NLRP11: variants seen among roughly 807,000 people sequenced by gnomAD.
NLRP11 encodes NLR family pyrin domain containing 11.
In NLRP11, 53 loss-of-function variants were observed where a neutral mutation model predicts 79.3. The observed-to-expected ratio is 0.67, with a 90% CI of 0.54 to 0.84. NLRP11 has a LOEUF of 0.84. Among genes scored for constraint, NLRP11 ranks in the 40% least tolerant of loss-of-function variants. The pLI, the probability that NLRP11 is intolerant of heterozygous loss-of-function variation, is 0.00. For synonymous variants in NLRP11, 518 were observed against 462.6 expected, an observed-to-expected ratio of 1.12 and a Z score of -1.54; for missense variants, 1,264 against 1,255.0, an observed-to-expected ratio of 1.01 and a Z score of -0.11.
At chr19:55,834,526 A>C (rs302471), upstream of NLRP11, among the ~76,000 whole-genome samples, 13,972 of 152,296 alleles carry the variant, frequency 0.092, 903 homozygotes, top group East Asian at 0.28. Context: ...GGGATATTCA[A>C]CTGTGCATGA....
At chr19:55,828,129 A>C (rs1982404682) in intron 1 of NLRP11, among the ~76,000 whole-genome samples, 1 of 151,198 alleles carries the variant, frequency 6.6e-6, no homozygotes, top group Non-Finnish European at 1.5e-5. Flanking sequence ...ACATGGATGA[A>C]ATTGGAAATC....
rs1004313200 is a variant in NLRP11, at chr19:55,827,287, C to T, written c.-63+4676G>A. ...ATTCAAGATGGATTAAAGATTTAAA[C>T]GTTAGACCTAAAACCATAAAAACCC... On this transcript the variant is annotated intron_variant, in intron 1 of 9. Transcript: ENST00000589093. 6.4e-3 allele frequency among the ~76,000 whole-genome samples: 939 copies of T among 145,888 alleles called. 36 individuals carry two copies. Among genetic ancestry groups the T allele is most frequent in the African/African-American group, 0.023 (890 of 38,404 alleles).
chr19:55,798,642 C>T (rs566101184), intron 5 of NLRP11, among the ~76,000 whole-genome samples: 168 of 152,212 alleles, frequency 1.1e-3, no homozygotes, highest in Non-Finnish European at 2.0e-3. Context: ...AACCTGAACA[C>T]GCATCCCTGA....
chr19:55,799,569 T>C (rs73058160), intron 5 of NLRP11, among the ~76,000 whole-genome samples: 6,764 of 151,744 alleles, frequency 0.045, 280 homozygotes, highest in East Asian at 0.17. Flanking sequence ...GAGGGGGGCA[T>C]TGAGGTAGGG....
upstream of NLRP11, among the ~76,000 whole-genome samples, chr19:55,835,136 G>A (rs1472995159): frequency 6.6e-6 from 1 of 152,054 alleles, no homozygotes; most frequent in Non-Finnish European, 1.5e-5. Flanking sequence ...ATGTTTCTCT[G>A]CACTCCTTGA....
At chr19:55,805,538 G>GTTT (rs72058432) in intron 4 of NLRP11, among the ~76,000 whole-genome samples, 1 of 147,258 alleles carries the variant, frequency 6.8e-6, no homozygotes, top group African/African-American at 2.5e-5. Flanking sequence ...TTAAGGTTTT[G>GTTT]TTTTTTTTTT....
At chr19:55,815,840 A>T (rs1981063617) in intron 2 of NLRP11, among the ~76,000 whole-genome samples, 1 of 152,184 alleles carries the variant, frequency 6.6e-6, no homozygotes. Context: ...TATTCATCAC[A>T]TCAGGGACAG....
intron 2 of NLRP11, among the ~76,000 whole-genome samples, chr19:55,813,216 T>C (rs998488099): frequency 6.6e-6 from 1 of 152,058 alleles, no homozygotes; most frequent in African/African-American, 2.4e-5. Context: ...TAATCCCAGC[T>C]ACTCGGGAGG....
chr19:55,826,275 G>A (rs1158388604), intron 1 of NLRP11, among the ~76,000 whole-genome samples: 121 of 74,558 alleles, frequency 1.6e-3, no homozygotes, highest in East Asian at 3.8e-3. Context: ...AAAATAATAA[G>A]AGCTATCTAT....
exon 5 of NLRP11, chr19:55,801,645 A>G (rs781500201): frequency 6.2e-7 from 1 of 1,614,006 alleles, no homozygotes; most frequent in Non-Finnish European, 8.5e-7. Flanking sequence ...AGGGAAATGG[A>G]CGTACAGTTG....
intron 5 of NLRP11, 128 bp downstream of exon 5, chr19:55,801,443 TA>T (rs1019483848): frequency 7.3e-6 from 5 of 683,306 alleles, no homozygotes; most frequent in Non-Finnish European, 1.3e-5. Flanking sequence ...AACCACGTGC[TA>T]AAAAAATTGA....
intron 1 of NLRP11, among the ~76,000 whole-genome samples, chr19:55,830,950 C>T (rs943792303): frequency 5.9e-5 from 9 of 152,102 alleles, no homozygotes; most frequent in African/African-American, 2.2e-4. Flanking sequence ...TATCAAAAAC[C>T]CCAGTGTCCC....
rs367644544 is a variant in NLRP11 at position 55,810,718 on chromosome 19, G to A, written c.272-380C>T. Among the ~76,000 whole-genome samples, 8 of 152,218 alleles carry A rather than the reference G, an allele frequency of 5.3e-5. No individual in the cohort carries two copies. In the East Asian group the frequency reaches 7.7e-4, roughly 15 times the overall value. ...TTGCCATGTTAGCCAGGCTGGTTTCGAACTCCTGGCCTCAGGTGATCCACC... is the reference window on the plus strand; with the variant it reads ...TTGCCATGTTAGCCAGGCTGGTTTCAAACTCCTGGCCTCAGGTGATCCACC... On this transcript the variant is annotated intron_variant, in intron 2 of 9. Coordinates refer to ENST00000589093, the Ensembl canonical transcript of NLRP11.
chr19:55,785,504 C>T, exon 10 of NLRP11: 1 of 717,266 alleles, frequency 1.4e-6, no homozygotes, highest in East Asian at 2.9e-5. Context: ...CACACACACA[C>T]ACACACACAC....
chr19:55,830,022 A>G (rs1307543873), intron 1 of NLRP11, among the ~76,000 whole-genome samples: 2 of 152,208 alleles, frequency 1.3e-5, no homozygotes, highest in African/African-American at 2.4e-5. Flanking sequence ...AAGTTGTCAT[A>G]CATCTCCCCC....
chr19:55,832,540 T>C (rs911311622), upstream of NLRP11, among the ~76,000 whole-genome samples: 5 of 152,354 alleles, frequency 3.3e-5, no homozygotes, highest in East Asian at 3.9e-4. Context: ...AGACCTCTAG[T>C]GAAGACTGAT....
At chr19:55,796,299 C>A in intron 5 of NLRP11, 49 bp from the exon 6 acceptor site, 4 of 1,424,098 alleles carry the variant, frequency 2.8e-6, no homozygotes, top group Non-Finnish European at 3.8e-6. Flanking sequence ...TTTAAGCTAT[C>A]CCCTCTTTTA....
chr19:55,807,764 G>T (rs1259411359), intron 4 of NLRP11, 89 bp downstream of exon 4: 6 of 867,212 alleles, frequency 6.9e-6, no homozygotes, highest in South Asian at 3.9e-5. Context: ...CTGAAAGTGT[G>T]TTTTGTATAT....
rs1234946869 is a variant in NLRP11 at position 55,809,920 on chromosome 19, G to A, written c.690C>T (p.Asp230=). ...TTAACTCGAATCTTATGTTGTCCAAGTCCTCGAGGATGAAAAGGAGTTTCT... is the reference window on the plus strand; with the variant it reads ...TTAACTCGAATCTTATGTTGTCCAAATCCTCGAGGATGAAAAGGAGTTTCT... The change falls in exon 3 of 10, where the codon GAC becomes GAT. Residue 230 remains aspartate (D), a synonymous_variant. Transcript: ENST00000589093. The surrounding 1 kb of genome is among the most constrained non-coding windows in gnomAD (Gnocchi z 4.5). 1.9e-6 allele frequency: 3 copies of A among 1,614,114 alleles called. No individual in the cohort carries two copies. The highest frequency in any genetic ancestry group is 1.1e-5 in the South Asian group (1 of 91,082).
Sources: gnomAD v4.1 joint callset for allele counts (sites outside exome capture counted in the v4.1 genomes callset) on GRCh38, gnomAD v4.1.1 for gene constraint, Gnocchi (gnomAD v3.1) non-coding constraint, MANE v1.5 for transcripts, NCBI Gene and HGNC (gene_info 2026-07-23, HGNC 2026-07-21) for gene names.